Variants in ANP32B observed in about 807,000 individuals in gnomAD.
ANP32B encodes the protein acidic nuclear phosphoprotein 32 family member B.
ANP32B carries 6 observed loss-of-function variants against 32.2 expected under a neutral mutation model. The observed-to-expected ratio is 0.19, with a 90% CI of 0.10 to 0.37. The LOEUF is 0.37. ANP32B is among the 10% of genes least tolerant of loss of function. The pLI is 1.00. For synonymous variants in ANP32B, 98 were observed against 105.8 expected, an observed-to-expected ratio of 0.93 and a Z score of 0.45; for missense variants, 204 against 289.2, an observed-to-expected ratio of 0.71 and a Z score of 2.14.
At chr9:97,996,001 T>C (rs1827899775) in intron 2 of ANP32B, among the ~76,000 whole-genome samples, 1 of 152,150 alleles carries the variant, frequency 6.6e-6, no homozygotes. Context: ...TTGCTTTCTT[T>C]ATTTGCCTTG....
At chr9:98,011,084 C>A (rs369191627) in intron 4 of ANP32B, among the ~76,000 whole-genome samples, 187 bp from the exon 5 acceptor site, 105 of 152,232 alleles carry the variant, frequency 6.9e-4, no homozygotes, top group African/African-American at 2.2e-3. Flanking sequence ...ACCAGGACTT[C>A]TAGCTCTCTG....
intron 3 of ANP32B, among the ~76,000 whole-genome samples, chr9:98,004,266 A>C (rs116538135): frequency 0.012 from 1,765 of 152,314 alleles, 37 homozygotes; most frequent in African/African-American, 0.039. Flanking sequence ...AGGTATGGTA[A>C]ATAAAATCAG....
At position 97,995,240 on chromosome 9, in the gene ANP32B, C is replaced by A. The variant is rs182368425; in HGVS notation, c.204+460C>A. Among the ~76,000 whole-genome samples the A allele has an allele frequency of 1.4e-3, 219 of 152,296 alleles. 2 individuals are homozygous for A. The highest frequency in any genetic ancestry group is 7.4e-4 in the Non-Finnish European group (50 of 68,020). ...TGTCAGAACTGGAAGAAACTTTGCT[C>A]CTCTAACCCAACCCCTTATTTTATA... On this transcript the variant is annotated intron_variant, in intron 2 of 6. Transcript: ENST00000339399.
At chr9:97,991,264 C>T (rs1827821193) in intron 1 of ANP32B, among the ~76,000 whole-genome samples, 1 of 151,980 alleles carries the variant, frequency 6.6e-6, no homozygotes, top group African/African-American at 2.4e-5. Flanking sequence ...CACAGGCATG[C>T]ACCACCATGC....
intron 1 of ANP32B, among the ~76,000 whole-genome samples, chr9:97,984,103 G>A (rs1827653736): frequency 6.7e-6 from 1 of 149,722 alleles, no homozygotes; most frequent in Non-Finnish European, 1.5e-5. Context: ...CTTGTGGCCG[G>A]AGCTCGCCGT....
rs542998972 is a variant in ANP32B at position 97,992,031 on chromosome 9, T to C, written c.55-2600T>C. Among the ~76,000 whole-genome samples, 14 of 152,316 alleles carry C rather than the reference T, an allele frequency of 9.2e-5. No individual in the cohort carries two copies. The South Asian group carries it at 1.9e-3, about 20-fold the overall frequency. On this transcript the variant is annotated intron_variant, in intron 1 of 6. Transcript: ENST00000339399. ...TTATGTAGGCTCTTACACAGTGATA[T>C]AGTGGTAACCAGAATATACATGATC...
At chr9:97,998,739 T>TA (rs1208226259) in intron 3 of ANP32B, 61 bp downstream of exon 3, 2 of 1,384,888 alleles carry the variant, frequency 1.4e-6, no homozygotes, top group South Asian at 1.5e-5. Context: ...CATATTTCTT[T>TA]ATAGTGGGGG....
intron 3 of ANP32B, chr9:98,002,468 A>G (rs564867050): frequency 6.6e-6 from 1 of 152,312 alleles, no homozygotes; most frequent in East Asian, 1.9e-4. Flanking sequence ...CTGGTATGGT[A>G]GAGTTGTAAT....
chr9:97,998,465 T>G, intron 2 of ANP32B, 91 bp from the exon 3 acceptor site: 1 of 1,358,652 alleles, frequency 7.4e-7, no homozygotes, highest in Non-Finnish European at 9.8e-7. Context: ...GATAAATCTT[T>G]GAGAACTGTA....
At chr9:97,984,406 G>A (rs1417125949) in intron 1 of ANP32B, among the ~76,000 whole-genome samples, 2 of 151,388 alleles carry the variant, frequency 1.3e-5, no homozygotes, top group Admixed American at 6.6e-5. Context: ...CTGCCTCCCA[G>A]GGGCAGCCCG....
At chr9:98,007,381 A>T (rs866524523) in intron 4 of ANP32B, among the ~76,000 whole-genome samples, 25 of 152,336 alleles carry the variant, frequency 1.6e-4, no homozygotes, top group South Asian at 1.0e-3. Context: ...ATAGTAGAGG[A>T]TATTGAGGCA....
chr9:97,984,187 C>T (rs1487042987), intron 1 of ANP32B, among the ~76,000 whole-genome samples: 2 of 150,352 alleles, frequency 1.3e-5, no homozygotes, highest in Non-Finnish European at 3.0e-5. Flanking sequence ...GAGCGAGAAG[C>T]CCCCTCGGGC....
rs1417989256 is a variant in ANP32B, at chr9:98,012,997, C to T, written c.688+525C>T. ...CACCCGCCTCAGCCTCCCAAAGTGC[C>T]GGGATTACAGGCGTGAGCCACCACA... On this transcript the variant is annotated intron_variant, in intron 6 of 6. Coordinates refer to ENST00000339399, the MANE Select transcript of ANP32B (RefSeq NM_006401.3). Among the ~76,000 whole-genome samples the T allele has an allele frequency of 1.2e-4, 18 of 152,218 alleles. 1 individual carries two copies. Among genetic ancestry groups the T allele is most frequent in the East Asian group, 5.8e-4 (3 of 5,188 alleles).
At chr9:98,004,872 T>C (rs967348352) in intron 3 of ANP32B, 92 bp from the exon 4 acceptor site, 16 of 1,009,650 alleles carry the variant, frequency 1.6e-5, no homozygotes, top group Middle Eastern at 6.4e-4. Context: ...GGAAATTGAA[T>C]ATAGAGCCTA....
At chr9:98,009,588 C>T (rs1450004410) in intron 4 of ANP32B, among the ~76,000 whole-genome samples, 1 of 152,232 alleles carries the variant, frequency 6.6e-6, no homozygotes, top group Non-Finnish European at 1.5e-5. Context: ...ATTTGCACTC[C>T]TATGAGGATC....
chr9:98,000,106 A>G (rs953213239), intron 3 of ANP32B, among the ~76,000 whole-genome samples: 1 of 152,222 alleles, frequency 6.6e-6, no homozygotes, highest in African/African-American at 2.4e-5. Flanking sequence ...GACTGCTGCA[A>G]TACAGATTTA....
chr9:97,997,717 T>C (rs985268225), intron 2 of ANP32B, among the ~76,000 whole-genome samples: 3 of 152,258 alleles, frequency 2.0e-5, no homozygotes, highest in East Asian at 3.8e-4. Context: ...GTTGGCACTT[T>C]AAAATAGAGA....
At chr9:97,986,059 G>A (rs904334793) in intron 1 of ANP32B, among the ~76,000 whole-genome samples, 7 of 152,102 alleles carry the variant, frequency 4.6e-5, no homozygotes, top group Non-Finnish European at 8.8e-5. Context: ...GACCTCGGGT[G>A]ATCCACCCGC....
At chr9:98,000,184 G>A (rs1037661226) in intron 3 of ANP32B, among the ~76,000 whole-genome samples, 2 of 152,128 alleles carry the variant, frequency 1.3e-5, no homozygotes, top group Non-Finnish European at 2.9e-5. Flanking sequence ...CACTATGTTA[G>A]GCCAGGCTGG....
Sources: gnomAD v4.1 joint callset for allele counts (sites outside exome capture counted in the v4.1 genomes callset) on GRCh38, gnomAD v4.1.1 for gene constraint, MANE v1.5 for transcripts, NCBI Gene and HGNC (gene_info 2026-07-23, HGNC 2026-07-21) for gene names.